Variants in GBP6 observed in about 807,000 individuals in gnomAD.
The protein encoded by GBP6 is guanylate binding protein family member 6, also known as guanylate-binding protein 6.
Under a neutral mutation model 61.5 loss-of-function variants are expected in GBP6, and 54 were observed. That is an observed-to-expected ratio of 0.88 (90% confidence interval 0.71 to 1.10). The LOEUF is 1.10. GBP6 is among the 50% of genes least tolerant of loss of function. The pLI is 0.00. For synonymous variants in GBP6, 255 were observed against 273.7 expected (o/e 0.93, Z 0.67); for missense variants, 748 against 752.8 (o/e 0.99, Z 0.07).
chr1:89,365,018 G>T (rs930004756), intron 1 of GBP6, among the ~76,000 whole-genome samples: 2 of 17,920 alleles, frequency 1.1e-4, no homozygotes, highest in African/African-American at 4.7e-4. Flanking sequence ...ACCCCCCGCC[G>T]CCCGTGTCCA....
At chr1:89,368,955 G>A (rs567923395) in intron 2 of GBP6, among the ~76,000 whole-genome samples, 83 of 152,026 alleles carry the variant, frequency 5.5e-4, no homozygotes, top group African/African-American at 2.0e-3. Flanking sequence ...CATTACTAGT[G>A]CCCAGAATCC....
In GBP6 at chr1:89,383,638, T is replaced by A. The variant is rs757366592; in HGVS notation, c.1366-14T>A. On this transcript the variant is annotated splice_polypyrimidine_tract_variant and intron_variant, in intron 8 of 10. Transcript: ENST00000370456. ...TTTTCAAAGAAATCTAAGTGCTTTT[T>A]CTTCCTTCCATAGGCAAAAGAGGTC... 1.3e-6 allele frequency: 2 copies of A among 1,562,636 alleles called. No homozygotes were observed. The highest frequency in any genetic ancestry group is 2.7e-5 in the African/African-American group (2 of 73,006).
At chr1:89,383,454 A>G (rs1482272122) in intron 8 of GBP6, among the ~76,000 whole-genome samples, 198 bp from the exon 9 acceptor site, 2 of 152,124 alleles carry the variant, frequency 1.3e-5, no homozygotes, top group African/African-American at 4.8e-5. Context: ...CAGCAGTGGG[A>G]AAGGCACTGG....
chr1:89,377,450 C>T (rs1652838104), intron 3 of GBP6, among the ~76,000 whole-genome samples: 1 of 152,120 alleles, frequency 6.6e-6, no homozygotes, highest in Admixed American at 6.5e-5. Context: ...ATCACATACA[C>T]TCTTCAATTT....
At chr1:89,379,430 T>G (rs1652900441) in intron 5 of GBP6, among the ~76,000 whole-genome samples, 1 of 152,194 alleles carries the variant, frequency 6.6e-6, no homozygotes, top group Non-Finnish European at 1.5e-5. Context: ...GATATTATTC[T>G]TCTCATGGAG....
At chr1:89,375,991 C>T (rs1414319440) in intron 3 of GBP6, among the ~76,000 whole-genome samples, 1 of 152,114 alleles carries the variant, frequency 6.6e-6, no homozygotes, top group Non-Finnish European at 1.5e-5. Context: ...CATCATTCTA[C>T]TTTCTACTGC....
rs145262996 is a variant in GBP6 at position 89,369,559 on chromosome 1, C to A, written c.204C>A (p.Gly68=). 1.2e-6 allele frequency: 2 copies of A among 1,613,676 alleles called. No homozygotes were observed. The highest frequency in any genetic ancestry group is 2.7e-5 in the African/African-American group (2 of 74,914). The change falls in exon 3 of 11, where the codon GGC becomes GGA. Residue 68 remains glycine, a synonymous_variant. Transcript: ENST00000370456. ...LAGQNHGFPL[G]STVQSETKGI... is the part of the protein sequence containing the mutation. ...TCTTCCCTGCAGGCTTCCCTCTGGG[C>A]TCCACGGTGCAGTCTGAAACCAAGG...
chr1:89,365,183 A>G (rs976751280), intron 1 of GBP6, among the ~76,000 whole-genome samples: 3 of 152,224 alleles, frequency 2.0e-5, no homozygotes, highest in African/African-American at 7.2e-5. Context: ...TCTTATGTAC[A>G]TCAGAGTGTG....
chr1:89,384,064 C>A, intron 9 of GBP6, 29 bp from the exon 10 acceptor site: 1 of 1,559,120 alleles, frequency 6.4e-7, no homozygotes, highest in Non-Finnish European at 8.6e-7. Flanking sequence ...CTATTATTTT[C>A]TTCTCTTTCT....
chr1:89,369,501 G>A (rs1036627853), intron 2 of GBP6, 45 bp from the exon 3 acceptor site: 2 of 1,589,326 alleles, frequency 1.3e-6, no homozygotes, highest in East Asian at 2.2e-5. Context: ...GGGCGGCTTG[G>A]CTGCTCTGCT....
chr1:89,378,688 G>C, intron 5 of GBP6, 75 bp downstream of exon 5: 1 of 1,172,684 alleles, frequency 8.5e-7, no homozygotes, highest in Non-Finnish European at 1.2e-6. Flanking sequence ...TCATCTCTGG[G>C]GTTTCATTTG....
chr1:89,383,257 C>T (rs1471822013), intron 8 of GBP6, among the ~76,000 whole-genome samples: 6 of 152,104 alleles, frequency 3.9e-5, no homozygotes, highest in African/African-American at 1.4e-4. Flanking sequence ...ACTTAGTACC[C>T]AAGGATGATT....
At chr1:89,377,419 T>C (rs1372727243) in intron 3 of GBP6, among the ~76,000 whole-genome samples, 1 of 152,208 alleles carries the variant, frequency 6.6e-6, no homozygotes, top group African/African-American at 2.4e-5. Flanking sequence ...ATTCAGCTCG[T>C]GACTTCCAGG....
At chr1:89,378,068 C>G in intron 3 of GBP6, 35 bp from the exon 4 acceptor site, 2 of 1,567,566 alleles carry the variant, frequency 1.3e-6, no homozygotes, top group Non-Finnish European at 1.7e-6. Flanking sequence ...CTAAAGACTA[C>G]ACTCCTAAGT....
In GBP6 at chr1:89,387,426, A is replaced by C. The variant is rs529072395; in HGVS notation, c.*1957A>C. Among the ~76,000 whole-genome samples the C allele has an allele frequency of 8.7e-4, 133 of 152,132 alleles. No individual in the cohort carries two copies. The highest frequency in any genetic ancestry group is 1.7e-3 in the Non-Finnish European group (119 of 68,020). On this transcript the variant is annotated 3_prime_UTR_variant, in exon 11 of 11. Transcript: ENST00000370456. Reference sequence around the variant, plus strand: ...AGTATTTGTTTGAAATGTAAAGGTAAAGTTTGTTTGAAGACAGATACCTTA... The same window carrying C: ...AGTATTTGTTTGAAATGTAAAGGTACAGTTTGTTTGAAGACAGATACCTTA...
In GBP6 at chr1:89,381,057, C is replaced by T. The variant is rs112600573; in HGVS notation, c.871+426C>T. Among the ~76,000 whole-genome samples the T allele has an allele frequency of 2.3e-3, 346 of 151,900 alleles. 2 individuals carry two copies. Among genetic ancestry groups the T allele is most frequent in the African/African-American group, 7.7e-3 (318 of 41,398 alleles). On this transcript the variant is annotated intron_variant, in intron 6 of 10. Transcript: ENST00000370456. ...CCCAGTACTTTGGGAGGCAGAGGCA[C>T]GCAGATCGCTTGAGCTCAGGAGTTT...
intron 1 of GBP6, among the ~76,000 whole-genome samples, chr1:89,367,931 C>T (rs1652509799): frequency 6.6e-6 from 1 of 152,180 alleles, no homozygotes; most frequent in African/African-American, 2.4e-5. Flanking sequence ...CATGAAATCG[C>T]CTACCATTTT....
In GBP6 at chr1:89,385,345, T is replaced by A. The variant is rs147136300; in HGVS notation, c.1778T>A (p.Ile593Asn). 1.2e-6 allele frequency: 2 copies of A among 1,614,072 alleles called. No individual in the cohort carries two copies. Among genetic ancestry groups the A allele is most frequent in the Admixed American group, 1.7e-5 (1 of 60,008 alleles). The change falls in exon 11 of 11, where the codon ATT becomes AAT. Residue 593 changes from isoleucine to asparagine, a missense_variant. Coordinates refer to ENST00000370456, the MANE Select transcript of GBP6 (RefSeq NM_198460.3). ...DTTKNDDTPW[I>N]ARTLDNLADE... ...ACAAAAAATGATGATACTCCCTGGA[T>A]TGCACGAACCTTGGACAACCTTGCC...
In GBP6 at chr1:89,382,925, A is replaced by C. The variant is rs957313588; in HGVS notation, c.1365+49A>C. 5 of 1,257,658 alleles carry C rather than the reference A, an allele frequency of 4.0e-6. No homozygotes were observed. In the African/African-American group the frequency reaches 7.4e-5, roughly 19 times the overall value. 77.9% of individuals were successfully genotyped at this position (1,257,658 alleles called of 1,614,324 possible). A position where few individuals can be genotyped will look rare whatever the true frequency, so the allele number is the denominator to read the frequency against. Reference sequence around the variant, plus strand: ...GAAGTTTATAGGATAGAGTGAATGGAGTCTTCAGCACCAGCCGTGGGTAAT... The same window carrying C: ...GAAGTTTATAGGATAGAGTGAATGGCGTCTTCAGCACCAGCCGTGGGTAAT... On this transcript the variant is annotated intron_variant, in intron 8 of 10. Coordinates refer to ENST00000370456, the MANE Select transcript of GBP6 (RefSeq NM_198460.3).
Sources: allele counts gnomAD v4.1 joint callset (sites outside exome capture counted in the v4.1 genomes callset), GRCh38; gene constraint gnomAD v4.1.1; transcripts MANE v1.5; gene names NCBI Gene and HGNC (gene_info 2026-07-23, HGNC 2026-07-21).